Variants in ANKRD13C observed in about 807,000 individuals in gnomAD.
ANKRD13C encodes the protein ankyrin repeat domain-containing protein 13C.
In ANKRD13C, 16 loss-of-function variants were observed where a neutral mutation model predicts 65.5. That is an observed-to-expected ratio of 0.24 (90% CI 0.17 to 0.37). The LOEUF (loss-of-function observed/expected upper bound fraction) is 0.37, where lower values mean the gene tolerates loss of function less well. Ranked by LOEUF, ANKRD13C falls within the 10% of genes least tolerant of loss-of-function variation. The probability of loss-of-function intolerance (pLI) is 1.00; values close to 1 mark genes in which losing one functional copy is unlikely to be tolerated. For missense variants in ANKRD13C, 503 were observed against 655.9 expected (o/e 0.77, Z 2.55); for synonymous variants, 235 against 238.7 (o/e 0.98, Z 0.14).
At chr1:70,333,674 AAAGTC>A in intron 2 of ANKRD13C, among the ~76,000 whole-genome samples, 1 of 152,350 alleles carries the variant, frequency 6.6e-6, no homozygotes, top group African/African-American at 2.4e-5. Flanking sequence ...TGAACACCAG[AAAGTC>A]AACTTAGGAT....
intron 12 of ANKRD13C, among the ~76,000 whole-genome samples, chr1:70,264,021 G>A (rs921570072): frequency 2.6e-5 from 4 of 152,088 alleles, no homozygotes; most frequent in Admixed American, 1.3e-4. Flanking sequence ...ATTTCTGGGG[G>A]AAAAAATTAT....
In ANKRD13C at chr1:70,354,321, C is replaced by A. The variant is rs78142355; in HGVS notation, c.88G>T (p.Ala30Ser). The A allele has an allele frequency of 3.7e-6, 6 of 1,614,080 alleles. No individual in the cohort carries two copies. The highest frequency in any genetic ancestry group is 5.1e-6 in the Non-Finnish European group (6 of 1,180,026). The part of the protein sequence containing the change: ...GDLLEPGDEE[A>S]AAALGGTFTR... ...AAGGTACCGCCGAGGGCAGCCGCCG[C>A]TTCCTCATCCCCGGGCTCCAGCAGG... Residue 30 changes from alanine (A) to serine (S), a missense_variant, in exon 1 of 13, where the codon GCG becomes TCG. Physicochemically the swap from Ala to Ser is moderately conservative, Grantham distance 99. Transcript: ENST00000370944.
rs1391697026 is a variant in ANKRD13C at position 70,312,781 on chromosome 1, TGTTTA to T, written c.709+959_709+963del. The stretch of plus-strand genomic sequence containing the variant: ...ATCTTTAAAAACAACAAAATTTAGT[TGTTTA>T]GTTAGTAAAATAAAGGTCACTAGAA... On this transcript the variant is annotated intron_variant, in intron 5 of 12. Transcript: ENST00000370944. Among the ~76,000 whole-genome samples the T allele has an allele frequency of 9.9e-5, 15 of 152,234 alleles. No individual in the cohort carries two copies. In the East Asian group the frequency reaches 2.7e-3, roughly 27 times the overall value.
rs563835679 is a variant in ANKRD13C, at chr1:70,287,226, C to A, written c.1215+5162G>T. ...GAATCTAAATAAATGAAGAGATGCA[C>A]CATGTTCATCAAACAGAAGATTCAA... On this transcript the variant is annotated intron_variant, in intron 9 of 12. Coordinates refer to ENST00000370944, the MANE Select transcript of ANKRD13C (RefSeq NM_030816.5). Among the ~76,000 whole-genome samples, 11 of 151,962 alleles carry A rather than the reference C, an allele frequency of 7.2e-5. No individual in the cohort carries two copies. In the South Asian group the frequency reaches 2.1e-3, roughly 29 times the overall value.
At chr1:70,334,248 C>T (rs778154484) in intron 2 of ANKRD13C, among the ~76,000 whole-genome samples, 13 of 151,802 alleles carry the variant, frequency 8.6e-5, no homozygotes, top group Non-Finnish European at 1.6e-4. Flanking sequence ...ATCACTTGAG[C>T]CCAGGAGTTT....
intron 5 of ANKRD13C, among the ~76,000 whole-genome samples, chr1:70,312,667 CAAAA>C (rs55916932): frequency 8.7e-6 from 1 of 115,106 alleles, no homozygotes. Flanking sequence ...ACTCTGTCTC[CAAAA>C]AAAAAAAAAA....
Position 70,324,917 on chromosome 1 carries a change from C to T in ANKRD13C, c.513G>A (p.Lys171=), listed in dbSNP as rs1428918009. 3.1e-6 allele frequency: 5 copies of T among 1,611,484 alleles called. No individual in the cohort carries two copies. In the African/African-American group the frequency reaches 4.0e-5, roughly 13 times the overall value. ...GGCTCCATCCCTGAGCATTTTTCAC[C>T]TTGACTGGAGCATTGTGAGCCAAAA... ...HLLLAHNAPV[K]VKNAQGWSPL... The change falls in exon 3 of 13, where the codon AAG becomes AAA. Residue 171 remains lysine, a synonymous_variant. Transcript: ENST00000370944.
chr1:70,337,558 G>A (rs1266229478), intron 1 of ANKRD13C, among the ~76,000 whole-genome samples: 1 of 151,964 alleles, frequency 6.6e-6, no homozygotes, highest in East Asian at 1.9e-4. Context: ...TGCAGCCTGG[G>A]CGACAAGAGT....
chr1:70,289,465 AATT>A (rs1379203930), intron 9 of ANKRD13C, among the ~76,000 whole-genome samples: 1 of 151,814 alleles, frequency 6.6e-6, no homozygotes, highest in Non-Finnish European at 1.5e-5. Context: ...TTGTTGCCCA[AATT>A]ATTATTTTTT....
chr1:70,287,374 T>G (rs192542058), intron 9 of ANKRD13C, among the ~76,000 whole-genome samples: 2 of 149,402 alleles, frequency 1.3e-5, no homozygotes, highest in Non-Finnish European at 3.0e-5. Context: ...CTGGAGCAAC[T>G]GGGCATCCAA....
At chr1:70,287,486 AC>A (rs1679674044) in intron 9 of ANKRD13C, among the ~76,000 whole-genome samples, 1 of 152,148 alleles carries the variant, frequency 6.6e-6, no homozygotes, top group Non-Finnish European at 1.5e-5. Flanking sequence ...AAGATATAAA[AC>A]TTTTAGAAAA....
At chr1:70,295,510 T>C (rs1258147404) in intron 8 of ANKRD13C, among the ~76,000 whole-genome samples, 3 of 152,048 alleles carry the variant, frequency 2.0e-5, no homozygotes, top group Non-Finnish European at 4.4e-5. Context: ...CCTCCCAAAG[T>C]GCTGGGATTA....
chr1:70,340,006 C>T (rs1429819380), intron 1 of ANKRD13C, among the ~76,000 whole-genome samples: 1 of 151,630 alleles, frequency 6.6e-6, no homozygotes, highest in Non-Finnish European at 1.5e-5. Context: ...CACACCACCA[C>T]ACCCAACTAA....
At chr1:70,308,764 GAAGTTA>G (rs929263823) in intron 5 of ANKRD13C, among the ~76,000 whole-genome samples, 3 of 143,950 alleles carry the variant, frequency 2.1e-5, no homozygotes, top group Non-Finnish European at 4.6e-5. Flanking sequence ...AAAAATTAAA[GAAGTTA>G]AATTATTGAG....
At chr1:70,308,738 CAAA>C (rs781171233) in intron 5 of ANKRD13C, among the ~76,000 whole-genome samples, 1 of 74,176 alleles carries the variant, frequency 1.3e-5, no homozygotes, top group Non-Finnish European at 2.8e-5. Flanking sequence ...GACTCCGTCT[CAAA>C]AAAAAAAAAA....
At chr1:70,269,785 A>G (rs1678797014) in intron 12 of ANKRD13C, among the ~76,000 whole-genome samples, 1 of 152,164 alleles carries the variant, frequency 6.6e-6, no homozygotes, top group Admixed American at 6.5e-5. Context: ...CCAAGTGTGC[A>G]AAATTGTGAA....
chr1:70,313,755 A>G lies in ANKRD13C; in HGVS notation c.699T>C (p.Phe233=), dbSNP rs1291342613. Reference sequence around the variant, plus strand: ...ATAGCATACTCTTACCCCAGCTTTGAAAATCCCAGTGAAGTTCTAGATAAA... The same window carrying G: ...ATAGCATACTCTTACCCCAGCTTTGGAAATCCCAGTGAAGTTCTAGATAAA... ...GDFYLELHWD[F]QSWVPLLSRI... The change falls in exon 5 of 13, where the codon TTT becomes TTC. Residue 233 remains phenylalanine (F), a synonymous_variant. Coordinates refer to ENST00000370944, the MANE Select transcript of ANKRD13C (RefSeq NM_030816.5). The G allele has an allele frequency of 1.2e-6, 2 of 1,609,140 alleles. No homozygotes were observed. The highest frequency in any genetic ancestry group is 2.7e-5 in the African/African-American group (2 of 74,854).
chr1:70,270,785 CT>C (rs1678846189), intron 12 of ANKRD13C, 70 bp downstream of exon 12: 11 of 1,074,698 alleles, frequency 1.0e-5, no homozygotes, highest in Non-Finnish European at 1.5e-5. Context: ...AAAGAAATTG[CT>C]TATTAAATGT....
chr1:70,342,012 G>GTA (rs1054069839), intron 1 of ANKRD13C, among the ~76,000 whole-genome samples: 4 of 151,750 alleles, frequency 2.6e-5, no homozygotes, highest in African/African-American at 7.3e-5. Flanking sequence ...TGTGTATGGG[G>GTA]AGTAAGAAGT....
Sources: allele counts gnomAD v4.1 joint callset (sites outside exome capture counted in the v4.1 genomes callset), GRCh38; gene constraint gnomAD v4.1.1; transcripts MANE v1.5; gene names NCBI Gene and HGNC (gene_info 2026-07-23, HGNC 2026-07-21).